The following AJAP1 variants were observed in gnomAD, a reference collection of about 807,000 sequenced individuals.
AJAP1 encodes adherens junctions associated protein 1.
In AJAP1, 5 loss-of-function variants were observed where a neutral mutation model predicts 35.0. That is an observed-to-expected ratio of 0.14 (90% CI 0.07 to 0.30). The LOEUF (loss-of-function observed/expected upper bound fraction) is 0.30. AJAP1 is among the 10% of genes least tolerant of loss of function. The pLI, the probability that AJAP1 is intolerant of heterozygous loss-of-function variation, is 1.00. For synonymous variants in AJAP1, 284 were observed against 249.3 expected, an observed-to-expected ratio of 1.14 and a Z score of -1.31; for missense variants, 586 against 571.0, an observed-to-expected ratio of 1.03 and a Z score of -0.27.
At chr1:4,664,741 G>A (rs1413829580) in intron 1 of AJAP1, among the ~76,000 whole-genome samples, 4 of 152,072 alleles carry the variant, frequency 2.6e-5, no homozygotes, top group South Asian at 2.1e-4. Context: ...ACAGAGTCCC[G>A]TAACCACCCT....
intron 2 of AJAP1, among the ~76,000 whole-genome samples, chr1:4,733,953 G>A (rs574132509): frequency 3.9e-5 from 6 of 152,264 alleles, no homozygotes; most frequent in South Asian, 2.1e-4. Flanking sequence ...AGGTGGGGGC[G>A]GGGGGAGCTG....
At chr1:4,754,897 A>G (rs2100337908) in intron 2 of AJAP1, among the ~76,000 whole-genome samples, 1 of 152,272 alleles carries the variant, frequency 6.6e-6, no homozygotes, top group South Asian at 2.1e-4. Flanking sequence ...CAGTGCTCAC[A>G]GCCACCACTC....
At chr1:4,671,477 G>T (rs1259749184) in intron 1 of AJAP1, among the ~76,000 whole-genome samples, 1 of 151,884 alleles carries the variant, frequency 6.6e-6, no homozygotes, top group Non-Finnish European at 1.5e-5. Flanking sequence ...CCCACTTAGA[G>T]CCCAGGGCCC....
chr1:4,668,930 T>C (rs1639194284), intron 1 of AJAP1, among the ~76,000 whole-genome samples: 1 of 152,246 alleles, frequency 6.6e-6, no homozygotes, highest in African/African-American at 2.4e-5. Context: ...GTAGAATTTA[T>C]GTCAGTTGCC....
At chr1:4,681,279 C>G (rs1404373373) in intron 1 of AJAP1, among the ~76,000 whole-genome samples, 2 of 152,218 alleles carry the variant, frequency 1.3e-5, no homozygotes, top group Non-Finnish European at 2.9e-5. Context: ...GGACAGTGTG[C>G]AAAATTGCCA....
At chr1:4,750,986 ACT>A (rs958939355) in intron 2 of AJAP1, among the ~76,000 whole-genome samples, 3 of 150,392 alleles carry the variant, frequency 2.0e-5, no homozygotes, top group African/African-American at 4.9e-5. Context: ...AGAATCCGAG[ACT>A]CTGAGTGGTC....
At chr1:4,691,375 AG>A (rs1187294128) in intron 1 of AJAP1, among the ~76,000 whole-genome samples, 1 of 152,156 alleles carries the variant, frequency 6.6e-6, no homozygotes, top group Non-Finnish European at 1.5e-5. Context: ...CAGGCCACAG[AG>A]TCTGTGGAGG....
Position 4,712,611 on chromosome 1 carries a change from A to G in AJAP1, c.741A>G (p.Pro247=). ...CCTTGGATCCCCGGAGAAGGATCCCAGGTGGGGTTAGCACAACGGAGCCTT... is the reference window on the plus strand; with the variant it reads ...CCTTGGATCCCCGGAGAAGGATCCCGGGTGGGGTTAGCACAACGGAGCCTT... ...TESLDPRRRI[P]GGVSTTEPST... is the part of the protein sequence containing the mutation. Residue 247 remains proline, a synonymous_variant, in exon 2 of 6, where the codon CCA becomes CCG. Transcript: ENST00000378191. 6.3e-7 allele frequency: 1 copy of G among 1,599,124 alleles called. No individual in the cohort carries two copies. The highest frequency in any genetic ancestry group is 1.3e-5 in the African/African-American group (1 of 74,744).
rs560228512 is a variant in AJAP1 at position 4,783,037 on chromosome 1, AACAC to A, written c.*563_*566del. 91 of 387,840 alleles carry A rather than the reference AACAC, an allele frequency of 2.3e-4. 1 individual carries two copies. The highest frequency in any genetic ancestry group is 4.8e-4 in the East Asian group (13 of 27,304). The allele number at this position is 387,840 out of a possible 1,614,324, so 24.0% of individuals were successfully genotyped here. Reference sequence around the variant, plus strand: ...ATACATATATAAATATATAAATACAAACACACACACACACTTTTTTTGTACTGTA... The same window carrying A: ...ATACATATATAAATATATAAATACAAACACACACACTTTTTTTGTACTGTA... On this transcript the variant is annotated 3_prime_UTR_variant, in exon 6 of 6. Transcript: ENST00000378191.
chr1:4,704,211 G>A (rs1191183874), intron 1 of AJAP1, among the ~76,000 whole-genome samples: 1 of 151,234 alleles, frequency 6.6e-6, no homozygotes, highest in Admixed American at 6.6e-5. Flanking sequence ...CAATGTGCAG[G>A]TTAGTTACAT....
chr1:4,715,554 A>G (rs1640368839), intron 2 of AJAP1, among the ~76,000 whole-genome samples: 1 of 152,180 alleles, frequency 6.6e-6, no homozygotes. Context: ...GTATGGTGGC[A>G]CATGCCTGTA....
intron 2 of AJAP1, among the ~76,000 whole-genome samples, chr1:4,724,949 C>G (rs1640614622): frequency 6.6e-6 from 1 of 152,208 alleles, no homozygotes; most frequent in Non-Finnish European, 1.5e-5. Context: ...TCCCCTCTTG[C>G]TGCAGACACA....
At position 4,719,095 on chromosome 1, in the gene AJAP1, A is replaced by G. The variant is rs556167260; in HGVS notation, c.829+6396A>G. On this transcript the variant is annotated intron_variant, in intron 2 of 5. Transcript: ENST00000378191. ...ATAGTGGGTTGAATTCATGATTGCC[A>G]TCCGCTCACAGGGGAATGATTCTGA... Among the ~76,000 whole-genome samples, 10 of 152,310 alleles carry G rather than the reference A, an allele frequency of 6.6e-5. No individual in the cohort carries two copies. In the South Asian group the frequency reaches 1.5e-3, roughly 22 times the overall value.
At chr1:4,739,319 C>T (rs545117649) in intron 2 of AJAP1, among the ~76,000 whole-genome samples, 5 of 152,266 alleles carry the variant, frequency 3.3e-5, no homozygotes, top group Non-Finnish European at 5.9e-5. Context: ...TGGGGTCTGC[C>T]GGCCTTGGAA....
At chr1:4,710,287 C>T (rs1640200535) in intron 1 of AJAP1, among the ~76,000 whole-genome samples, 1 of 152,156 alleles carries the variant, frequency 6.6e-6, no homozygotes, top group African/African-American at 2.4e-5. Context: ...AGTACACTCT[C>T]ACACACGCAC....
intron 1 of AJAP1, among the ~76,000 whole-genome samples, chr1:4,658,950 C>G (rs1245153603): frequency 6.6e-6 from 1 of 152,162 alleles, no homozygotes; most frequent in Non-Finnish European, 1.5e-5. Flanking sequence ...GGACCCCAAC[C>G]CAGTCTCCAC....
intron 2 of AJAP1, among the ~76,000 whole-genome samples, chr1:4,755,892 G>A (rs1241113567): frequency 6.6e-6 from 1 of 152,078 alleles, no homozygotes; most frequent in Non-Finnish European, 1.5e-5. Flanking sequence ...CACCTAACAG[G>A]GTTCTTGCTG....
intron 2 of AJAP1, among the ~76,000 whole-genome samples, chr1:4,755,983 T>C (rs1028320862): frequency 1.3e-5 from 2 of 151,888 alleles, no homozygotes; most frequent in Non-Finnish European, 1.5e-5. Context: ...TGATCAGATA[T>C]GGAGGGTGGG....
intron 2 of AJAP1, among the ~76,000 whole-genome samples, chr1:4,735,046 G>A (rs910908419): frequency 2.0e-5 from 3 of 152,348 alleles, no homozygotes; most frequent in Middle Eastern, 3.4e-3. Flanking sequence ...TTACACGTAT[G>A]AGCTCCGCGT....
Sources: allele counts gnomAD v4.1 joint callset (sites outside exome capture counted in the v4.1 genomes callset), GRCh38; gene constraint gnomAD v4.1.1; transcripts MANE v1.5; gene names NCBI Gene and HGNC (gene_info 2026-07-23, HGNC 2026-07-21).